Variants in TSPAN18 observed in about 807,000 individuals in gnomAD.
The protein encoded by TSPAN18 is tetraspanin 18.
A neutral mutation model predicts 27.3 loss-of-function variants in TSPAN18; 14 were observed. The ratio of observed to expected loss-of-function variants is 0.51; its 90% CI spans 0.34 to 0.80. TSPAN18 has a LOEUF of 0.80. Among genes scored for constraint, TSPAN18 ranks in the 30% least tolerant of loss-of-function variants. TSPAN18 has a pLI of 0.01. For synonymous variants in TSPAN18, 143 were observed against 136.5 expected (o/e 1.05, Z -0.33); for missense variants, 268 against 323.9 (o/e 0.83, Z 1.32).
chr11:44,857,348 A>G (rs1590589693), intron 2 of TSPAN18, among the ~76,000 whole-genome samples: 1 of 152,206 alleles, frequency 6.6e-6, no homozygotes, highest in Non-Finnish European at 1.5e-5. Context: ...GCCTGTGTCA[A>G]CCACAGAGCC....
At chr11:44,891,789 C>G (rs1858858727) in intron 3 of TSPAN18, among the ~76,000 whole-genome samples, 1 of 152,200 alleles carries the variant, frequency 6.6e-6, no homozygotes, top group Non-Finnish European at 1.5e-5. Context: ...GCTGATCCCC[C>G]AGACCTCAGG....
rs535858867 is a variant in TSPAN18 at position 44,795,515 on chromosome 11, C to A, written c.-153+31003C>A. ...GGGCAGTGGGGGTACAGGAAACCAG[C>A]TGGGAGGCTACTGCAATAGTCCAAG... On this transcript the variant is annotated intron_variant, in intron 2 of 9. Coordinates refer to ENST00000520358, the MANE Select transcript of TSPAN18 (RefSeq NM_130783.5). Among the ~76,000 whole-genome samples, 3 of 152,238 alleles carry A rather than the reference C, an allele frequency of 2.0e-5. No homozygotes were observed. In the South Asian group the frequency reaches 6.2e-4, roughly 32 times the overall value.
At chr11:44,924,675 G>A (rs1726848877) in intron 8 of TSPAN18, among the ~76,000 whole-genome samples, 1 of 150,822 alleles carries the variant, frequency 6.6e-6, no homozygotes, top group Non-Finnish European at 1.5e-5. Context: ...CTCTTTCCTT[G>A]CTCGCAGAGC....
chr11:44,848,963 A>G (rs1279061797), intron 2 of TSPAN18, among the ~76,000 whole-genome samples: 2 of 152,204 alleles, frequency 1.3e-5, no homozygotes, highest in African/African-American at 4.8e-5. Context: ...AAGTGCAGCC[A>G]TGTAGGCGTT....
At chr11:44,861,423 G>T in intron 3 of TSPAN18, among the ~76,000 whole-genome samples, 1 of 145,658 alleles carries the variant, frequency 6.9e-6, no homozygotes, top group Non-Finnish European at 1.5e-5. Context: ...TGAGGGAGGT[G>T]GTCGGGGCTG....
intron 4 of TSPAN18, 67 bp from the exon 5 acceptor site, chr11:44,909,634 TGGTG>T: frequency 6.7e-7 from 1 of 1,495,742 alleles, no homozygotes; most frequent in Non-Finnish European, 9.0e-7. Context: ...CTCAGGGGAG[TGGTG>T]GGTCAGAAGT....
intron 2 of TSPAN18, among the ~76,000 whole-genome samples, chr11:44,841,891 T>C (rs1305583514): frequency 2.0e-5 from 3 of 152,228 alleles, no homozygotes; most frequent in African/African-American, 7.2e-5. Flanking sequence ...AAGTCATAGA[T>C]AAGGCTTTAA....
intron 3 of TSPAN18, among the ~76,000 whole-genome samples, chr11:44,872,474 G>A (rs541833751): frequency 6.6e-6 from 1 of 152,348 alleles, no homozygotes; most frequent in South Asian, 2.1e-4. Context: ...GCAGTGCCCG[G>A]CACATGCTAA....
chr11:44,927,651 G>A (rs754614687), intron 9 of TSPAN18, among the ~76,000 whole-genome samples: 3 of 152,096 alleles, frequency 2.0e-5, no homozygotes, highest in Non-Finnish European at 2.9e-5. Flanking sequence ...CCTATTCTTC[G>A]CCAGCACTGT....
intron 4 of TSPAN18, among the ~76,000 whole-genome samples, chr11:44,907,266 G>A (rs935164781): frequency 6.6e-6 from 1 of 152,172 alleles, no homozygotes; most frequent in Non-Finnish European, 1.5e-5. Flanking sequence ...CAGGAGTAGA[G>A]CTGTGGCCCT....
At chr11:44,914,205 C>A (rs4755915) in intron 5 of TSPAN18, among the ~76,000 whole-genome samples, 84,893 of 152,048 alleles carry the variant, frequency 0.56, 24,203 homozygotes, top group East Asian at 0.83. Flanking sequence ...ATACCTAGCA[C>A]AGTGCCTGGC....
chr11:44,931,763 T>C lies in TSPAN18; in HGVS notation c.*2585T>C, dbSNP rs1213145223. On this transcript the variant is annotated 3_prime_UTR_variant, in exon 10 of 10. Transcript: ENST00000520358. ...CCAGAGCACAGGGAGAAACAGGGTTTAGCTGGCTTGGTCCAGATACAACCC... is the reference window on the plus strand; with the variant it reads ...CCAGAGCACAGGGAGAAACAGGGTTCAGCTGGCTTGGTCCAGATACAACCC... 1 of 152,028 alleles carries C rather than the reference T, an allele frequency of 6.6e-6. No homozygotes were observed. The highest frequency in any genetic ancestry group is 2.4e-5 in the African/African-American group (1 of 41,372). The allele number at this position is 152,028 out of a possible 1,614,324, so 9.4% of individuals were successfully genotyped here.
intron 1 of TSPAN18, among the ~76,000 whole-genome samples, chr11:44,728,616 C>G (rs909421947): frequency 6.6e-6 from 1 of 152,152 alleles, no homozygotes; most frequent in African/African-American, 2.4e-5. Flanking sequence ...CTGGCCCCCA[C>G]CCTCATCCCC....
chr11:44,841,285 G>A (rs991055317), intron 2 of TSPAN18, among the ~76,000 whole-genome samples: 4 of 152,208 alleles, frequency 2.6e-5, no homozygotes, highest in Non-Finnish European at 5.9e-5. Flanking sequence ...GGGAAGCTGA[G>A]GCAGGTGGAT....
chr11:44,924,097 T>TTGTG (rs57394106), intron 8 of TSPAN18, among the ~76,000 whole-genome samples: 3,535 of 145,820 alleles, frequency 0.024, 110 homozygotes, highest in African/African-American at 0.077. Context: ...CCTTCTGGGG[T>TTGTG]TGTGTGTGTG....
chr11:44,767,148 G>A (rs1855585797), intron 2 of TSPAN18, among the ~76,000 whole-genome samples: 1 of 152,158 alleles, frequency 6.6e-6, no homozygotes, highest in African/African-American at 2.4e-5. Context: ...CTGTGAGAGG[G>A]ACCTGGGTTG....
intron 3 of TSPAN18, among the ~76,000 whole-genome samples, chr11:44,890,303 G>A (rs1437105053): frequency 1.3e-5 from 2 of 152,156 alleles, no homozygotes; most frequent in African/African-American, 2.4e-5. Flanking sequence ...TCACTTTAAC[G>A]TTTCACTGAA....
intron 9 of TSPAN18, among the ~76,000 whole-genome samples, chr11:44,927,637 G>A (rs1277573683): frequency 2.0e-5 from 3 of 152,160 alleles, no homozygotes; most frequent in Admixed American, 1.3e-4. Flanking sequence ...AGCACACACT[G>A]AGCCCTATTC....
intron 2 of TSPAN18, among the ~76,000 whole-genome samples, chr11:44,802,976 G>A (rs912559565): frequency 3.4e-4 from 51 of 152,104 alleles, no homozygotes; most frequent in African/African-American, 1.1e-3. Flanking sequence ...GAGTCATGGC[G>A]GAGGCATGGG....
Sources: allele counts gnomAD v4.1 joint callset (sites outside exome capture counted in the v4.1 genomes callset), GRCh38; gene constraint gnomAD v4.1.1; transcripts MANE v1.5; gene names NCBI Gene and HGNC (gene_info 2026-07-23, HGNC 2026-07-21).